Variants in USP28 observed in about 807,000 individuals in gnomAD.
USP28 encodes ubiquitin carboxyl-terminal hydrolase 28.
In USP28, 113 loss-of-function variants were observed where a neutral mutation model predicts 145.0. The ratio of observed to expected loss-of-function variants is 0.78; its 90% CI spans 0.67 to 0.91. The LOEUF is 0.91. Among genes scored for constraint, USP28 ranks in the 40% least tolerant of loss-of-function variants. USP28 has a pLI of 0.00. For synonymous variants in USP28, 447 were observed against 450.9 expected (o/e 0.99, Z 0.11); for missense variants, 1,201 against 1,289.6 (o/e 0.93, Z 1.05).
rs559519474 is a variant in USP28, at chr11:113,857,463, T to C, written c.58-3128A>G. ...GGTTTTTTGGTTTTTTTGTTTTGTT[T>C]TAATCTCAATGTTGAATCACAGTGT... is the stretch of plus-strand genomic sequence containing the variant. On this transcript the variant is annotated intron_variant, in intron 1 of 24. Coordinates refer to ENST00000003302, the Ensembl canonical transcript of USP28. 2.0e-5 allele frequency among the ~76,000 whole-genome samples: 3 copies of C among 152,318 alleles called. No individual in the cohort carries two copies. In the East Asian group the frequency reaches 5.8e-4, roughly 29 times the overall value.
chr11:113,821,775 T>C, intron 12 of USP28: 1 of 191,282 alleles, frequency 5.2e-6, no homozygotes, highest in Admixed American at 5.1e-5. Context: ...AAAGCCTCTC[T>C]GTTCCAAAAG....
intron 1 of USP28, among the ~76,000 whole-genome samples, chr11:113,872,212 T>C (rs1195202547): frequency 6.6e-6 from 1 of 152,214 alleles, no homozygotes; most frequent in Non-Finnish European, 1.5e-5. Context: ...CCTGGTAAGA[T>C]GCTATTTGCC....
At chr11:113,800,934 C>G (rs1464724526) in intron 24 of USP28, among the ~76,000 whole-genome samples, 4 of 151,668 alleles carry the variant, frequency 2.6e-5, no homozygotes, top group Admixed American at 2.0e-4. Context: ...ACTCCGCTGC[C>G]CAGGTTCAAG....
chr11:113,861,225 T>G (rs942757905), intron 1 of USP28, among the ~76,000 whole-genome samples: 1 of 152,198 alleles, frequency 6.6e-6, no homozygotes, highest in African/African-American at 2.4e-5. Context: ...CTTGGTATTT[T>G]TTCAGTTTTT....
At chr11:113,820,553 C>T (rs1350118374) in intron 12 of USP28, 1 of 152,150 alleles carries the variant, frequency 6.6e-6, no homozygotes, top group Admixed American at 6.5e-5. Context: ...CCTTGAAATT[C>T]AAAACGCTTC....
intron 14 of USP28, 32 bp from the exon 15 acceptor site, chr11:113,813,987 TA>T: frequency 6.6e-7 from 1 of 1,512,192 alleles, no homozygotes; most frequent in Non-Finnish European, 9.1e-7. Flanking sequence ...AAAGCTTCAC[TA>T]AAATGATCTC....
chr11:113,817,646 T>C lies in USP28; in HGVS notation c.1463+12A>G. On this transcript the variant is annotated intron_variant, in intron 13 of 24. Coordinates refer to ENST00000003302, the Ensembl canonical transcript of USP28. Reference sequence around the variant, plus strand: ...ACAATACATACCATTAAAAAAAAAATGTTTTCATTACCTTTCCTTGGATGT... The same window carrying C: ...ACAATACATACCATTAAAAAAAAAACGTTTTCATTACCTTTCCTTGGATGT... 1 of 1,602,982 alleles carries C rather than the reference T, an allele frequency of 6.2e-7. No individual in the cohort carries two copies. Among genetic ancestry groups the C allele is most frequent in the Non-Finnish European group, 8.5e-7 (1 of 1,173,780 alleles).
Position 113,840,593 on chromosome 11 carries a change from C to G in USP28, c.534+5G>C. On this transcript the variant is annotated splice_donor_5th_base_variant and intron_variant, in intron 5 of 24. Coordinates refer to ENST00000003302, the Ensembl canonical transcript of USP28. The stretch of plus-strand genomic sequence containing the variant: ...AGACACAGTTATCTCTTAAAAATAT[C>G]ATACCTGAATAACAGCACTAAACCA... 1 of 1,608,418 alleles carries G rather than the reference C, an allele frequency of 6.2e-7. No homozygotes were observed. The highest frequency in any genetic ancestry group is 8.5e-7 in the Non-Finnish European group (1 of 1,178,152).
chr11:113,826,295 AAAG>A (rs1192377093), intron 11 of USP28, among the ~76,000 whole-genome samples: 41 of 130,584 alleles, frequency 3.1e-4, no homozygotes, highest in Middle Eastern at 3.8e-3. Flanking sequence ...AAAAAAAAAA[AAAG>A]AAAGAAAGAA....
At chr11:113,848,322 G>A (rs1033074573) in intron 3 of USP28, among the ~76,000 whole-genome samples, 2 of 152,184 alleles carry the variant, frequency 1.3e-5, no homozygotes. Context: ...AACTTTACAA[G>A]CTGAAAGGCA....
intron 3 of USP28, among the ~76,000 whole-genome samples, chr11:113,843,977 T>C (rs1945522454): frequency 6.6e-6 from 1 of 152,090 alleles, no homozygotes; most frequent in Non-Finnish European, 1.5e-5. Context: ...TAAGTCAAAA[T>C]GGATCAAGTC....
At chr11:113,863,545 T>C (rs1056632983) in intron 1 of USP28, among the ~76,000 whole-genome samples, 1 of 151,040 alleles carries the variant, frequency 6.6e-6, no homozygotes, top group Non-Finnish European at 1.5e-5. Context: ...CTCAGAAGGC[T>C]GAAGTGGGAG....
intron 1 of USP28, among the ~76,000 whole-genome samples, chr11:113,869,843 G>A (rs1948644852): frequency 1.3e-5 from 2 of 152,158 alleles, no homozygotes; most frequent in Non-Finnish European, 2.9e-5. Context: ...GGGAAACAGA[G>A]TATAGAAGTC....
At chr11:113,834,199 G>A (rs1944322122) in intron 6 of USP28, 50 bp downstream of exon 6, 1 of 1,414,874 alleles carries the variant, frequency 7.1e-7, no homozygotes, top group Non-Finnish European at 9.9e-7. Context: ...GAAGCCTTAG[G>A]GATGAAAGGG....
chr11:113,826,055 C>T (rs537429597), intron 11 of USP28, among the ~76,000 whole-genome samples: 46 of 152,098 alleles, frequency 3.0e-4, no homozygotes, highest in Non-Finnish European at 6.0e-4. Context: ...GAGGCAGAGA[C>T]GGGCAGATCA....
At chr11:113,810,356 C>T (rs1940775663) in intron 16 of USP28, among the ~76,000 whole-genome samples, 1 of 152,140 alleles carries the variant, frequency 6.6e-6, no homozygotes, top group Non-Finnish European at 1.5e-5. Flanking sequence ...CATTTTCTAA[C>T]CCTGTGACCA....
chr11:113,814,811 G>A (rs963151860), intron 14 of USP28, among the ~76,000 whole-genome samples: 1 of 151,950 alleles, frequency 6.6e-6, no homozygotes, highest in Non-Finnish European at 1.5e-5. Context: ...CACTTTGGGA[G>A]GCCAAGGCAG....
chr11:113,847,050 A>G lies in USP28; in HGVS notation c.269-5282T>C, dbSNP rs554517813. On this transcript the variant is annotated intron_variant, in intron 3 of 24. Transcript: ENST00000003302. ...TATCACTATAACTATTCCAATTACCATAATTATGATAGAATATTACCATTC... is the reference window on the plus strand; with the variant it reads ...TATCACTATAACTATTCCAATTACCGTAATTATGATAGAATATTACCATTC... 3.3e-5 allele frequency among the ~76,000 whole-genome samples: 5 copies of G among 152,278 alleles called. No homozygotes were observed. The East Asian group carries it at 9.6e-4, about 29-fold the overall frequency.
chr11:113,828,286 C>T lies in USP28; in HGVS notation c.1059+911G>A, dbSNP rs1040300555. 2.6e-5 allele frequency among the ~76,000 whole-genome samples: 4 copies of T among 152,196 alleles called. No individual in the cohort carries two copies. The East Asian group carries it at 7.7e-4, about 29-fold the overall frequency. On this transcript the variant is annotated intron_variant, in intron 10 of 24. Coordinates refer to ENST00000003302, the Ensembl canonical transcript of USP28. The stretch of plus-strand genomic sequence containing the variant: ...TGTTTAATTTTTATAGAATTCCCAT[C>T]CTGGAATACAGGTCTCCACAGGCCT...
Sources: allele counts gnomAD v4.1 joint callset (sites outside exome capture counted in the v4.1 genomes callset), GRCh38; gene constraint gnomAD v4.1.1; transcripts MANE v1.5; gene names NCBI Gene and HGNC (gene_info 2026-07-23, HGNC 2026-07-21).